Variants in KDM4B observed in about 807,000 individuals in gnomAD.
KDM4B encodes the protein lysine-specific demethylase 4B.
A neutral mutation model predicts 125.2 loss-of-function variants in KDM4B; 32 were observed. The observed-to-expected ratio is 0.26, with a 90% confidence interval of 0.19 to 0.34. The LOEUF (loss-of-function observed/expected upper bound fraction) is 0.34, where lower values mean the gene tolerates loss of function less well. KDM4B is among the 10% of genes least tolerant of loss of function. The pLI, the probability that KDM4B is intolerant of heterozygous loss-of-function variation, is 1.00. For synonymous variants in KDM4B, 721 were observed against 677.9 expected, an observed-to-expected ratio of 1.06 and a Z score of -0.99; for missense variants, 1,190 against 1,577.7, an observed-to-expected ratio of 0.75 and a Z score of 4.16.
Position 5,148,613 on chromosome 19 carries a change from T to G in KDM4B, c.3022-1745T>G, listed in dbSNP as rs1185383149. The stretch of plus-strand genomic sequence containing the variant: ...AAAGGCAGCAGGTGGGCCCTGGGAC[T>G]CCTGCAGTGGGAGCTCTAAAACCCG... On this transcript the variant is annotated intron_variant, in intron 21 of 22. Coordinates refer to ENST00000159111, the MANE Select transcript of KDM4B (RefSeq NM_015015.3). Among the ~76,000 whole-genome samples, 4 of 152,100 alleles carry G rather than the reference T, an allele frequency of 2.6e-5. No homozygotes were observed. The East Asian group carries it at 7.7e-4, about 29-fold the overall frequency.
intron 11 of KDM4B, 47 bp from the exon 12 acceptor site, chr19:5,131,029 C>T: frequency 2.2e-6 from 3 of 1,391,168 alleles, no homozygotes; most frequent in Non-Finnish European, 2.9e-6. Flanking sequence ...GGGACCAGCA[C>T]TTGAGCCCGG....
intron 1 of KDM4B, among the ~76,000 whole-genome samples, chr19:4,984,570 C>T (rs750554862): frequency 2.0e-5 from 3 of 152,158 alleles, no homozygotes; most frequent in Non-Finnish European, 4.4e-5. Flanking sequence ...CCTGTTCCGG[C>T]CTGTTCCGTA....
At chr19:5,127,547 C>A (rs560227791) in intron 11 of KDM4B, among the ~76,000 whole-genome samples, 1 of 152,330 alleles carries the variant, frequency 6.6e-6, no homozygotes, top group South Asian at 2.1e-4. Flanking sequence ...CATTGTCATT[C>A]ACTGCTGTCT....
chr19:5,067,000 C>T (rs1450158504), intron 6 of KDM4B, among the ~76,000 whole-genome samples: 1 of 152,152 alleles, frequency 6.6e-6, no homozygotes, highest in African/African-American at 2.4e-5. Context: ...CTCAGACCTC[C>T]TAATAGCATT....
At chr19:5,054,922 G>A (rs1420321087) in intron 6 of KDM4B, among the ~76,000 whole-genome samples, 1 of 152,236 alleles carries the variant, frequency 6.6e-6, no homozygotes, top group Non-Finnish European at 1.5e-5. Flanking sequence ...ATCAAGACTG[G>A]GGAGTGAACT....
intron 9 of KDM4B, among the ~76,000 whole-genome samples, chr19:5,091,874 G>C (rs1271338434): frequency 6.6e-6 from 1 of 152,214 alleles, no homozygotes. Flanking sequence ...GTGAGCCTCT[G>C]ATTTATGGCG....
chr19:5,017,268 G>A (rs1226289565), intron 2 of KDM4B, among the ~76,000 whole-genome samples: 1 of 152,216 alleles, frequency 6.6e-6, no homozygotes, highest in Admixed American at 6.5e-5. Flanking sequence ...GTCATAAAGT[G>A]TAAGGGAAGA....
chr19:5,132,405 C>T (rs1224767696), intron 13 of KDM4B, among the ~76,000 whole-genome samples: 2 of 152,182 alleles, frequency 1.3e-5, no homozygotes, highest in East Asian at 1.9e-4. Context: ...TAACCCTCAG[C>T]CGAGAGCTGC....
At chr19:5,039,711 T>TG (rs1206489018) in intron 3 of KDM4B, 125 bp from the exon 4 acceptor site, 5 of 1,079,428 alleles carry the variant, frequency 4.6e-6, no homozygotes, top group Non-Finnish European at 6.7e-6. Flanking sequence ...CTCGTGCCCC[T>TG]GGGGGGTGTC....
In KDM4B at chr19:4,973,782, T is replaced by G. The variant is rs147193187; in HGVS notation, c.-109+4552T>G. 9.2e-5 allele frequency among the ~76,000 whole-genome samples: 14 copies of G among 151,360 alleles called. 1 individual carries two copies. Among genetic ancestry groups the G allele is most frequent in the African/African-American group, 3.2e-4 (13 of 41,240 alleles). ...TGGGAAGTCTCTACCTCCTGCTTAG[T>G]TTTGCTGTGAACCTAAAACTGCTCT... is the stretch of plus-strand genomic sequence containing the variant. On this transcript the variant is annotated intron_variant, in intron 1 of 22. Transcript: ENST00000159111.
In KDM4B at chr19:5,131,201, C is replaced by T. The variant is rs550137358; in HGVS notation, c.1441C>T (p.Leu481=). 30 of 1,604,418 alleles carry T rather than the reference C, an allele frequency of 1.9e-5. No individual in the cohort carries two copies. In the South Asian group the frequency reaches 1.9e-4, roughly 10 times the overall value. The part of the protein sequence containing the change: ...AHFPSEEALW[L]PSPLEPPVLG... ...CTTCCCCTCAGAGGAGGCGCTGTGG[C>T]TGCCATCCCCACTGGAGCCCCCGGT... Residue 481 remains leucine (L), a synonymous_variant, in exon 12 of 23, where the codon CTG becomes TTG. Transcript: ENST00000159111.
At chr19:5,149,102 C>T (rs1265781622) in intron 21 of KDM4B, among the ~76,000 whole-genome samples, 1 of 152,236 alleles carries the variant, frequency 6.6e-6, no homozygotes, top group Non-Finnish European at 1.5e-5. Context: ...GTCTCCATCC[C>T]CACCCATCCC....
In KDM4B at chr19:4,986,360, G is replaced by A. The variant is rs75416896; in HGVS notation, c.-109+17130G>A. 9.3e-4 allele frequency among the ~76,000 whole-genome samples: 142 copies of A among 152,300 alleles called. 5 individuals are homozygous for A. In the East Asian group the frequency reaches 0.026, roughly 28 times the overall value. On this transcript the variant is annotated intron_variant, in intron 1 of 22. Transcript: ENST00000159111. ...GTGTGCCTCCCTGTGGGGCGATGGC[G>A]GAGTAAACGGGTGATGGCCACTGAG...
At chr19:5,080,178 G>A (rs951076599) in intron 8 of KDM4B, among the ~76,000 whole-genome samples, 5 of 152,204 alleles carry the variant, frequency 3.3e-5, no homozygotes. Flanking sequence ...TATTTGAAAA[G>A]AAAAATATCA....
rs766204232 is a variant in KDM4B at position 5,153,403 on chromosome 19, A to T, written c.*1892A>T. The T allele has an allele frequency of 6.6e-6, 1 of 152,200 alleles. No individual in the cohort carries two copies. The highest frequency in any genetic ancestry group is 2.4e-5 in the African/African-American group (1 of 41,430). The allele number at this position is 152,200 out of a possible 1,614,324, so 9.4% of individuals were successfully genotyped here. ...GTGGGCTCCTGGGCGGCCTGCGCAG[A>T]TGGGCCACAGAAGGGCAGGCCGGAG... On this transcript the variant is annotated 3_prime_UTR_variant, in exon 23 of 23. Transcript: ENST00000159111.
At chr19:4,983,136 T>TTTC (rs1336103679) in intron 1 of KDM4B, among the ~76,000 whole-genome samples, 1 of 120,388 alleles carries the variant, frequency 8.3e-6, no homozygotes, top group Admixed American at 7.6e-5. Flanking sequence ...TTTTCTTTTC[T>TTTC]TTTTTTTTTT....
chr19:5,007,751 C>G (rs1036623714), intron 1 of KDM4B, among the ~76,000 whole-genome samples: 11 of 151,902 alleles, frequency 7.2e-5, no homozygotes, highest in Non-Finnish European at 1.3e-4. Context: ...TGGCATCTTG[C>G]TGTGTTGCCT....
intron 11 of KDM4B, among the ~76,000 whole-genome samples, chr19:5,120,754 C>T (rs2146021683): frequency 6.6e-6 from 1 of 152,260 alleles, no homozygotes; most frequent in Admixed American, 6.5e-5. Context: ...GCTAGGGCTC[C>T]CCGCTGGGAG....
intron 11 of KDM4B, among the ~76,000 whole-genome samples, chr19:5,127,534 C>T (rs1348328856): frequency 3.3e-5 from 5 of 152,304 alleles, no homozygotes; most frequent in South Asian, 2.1e-4. Flanking sequence ...TTGAGGCTGC[C>T]GCCATTGTCA....
Sources: allele counts gnomAD v4.1 joint callset (sites outside exome capture counted in the v4.1 genomes callset), GRCh38; gene constraint gnomAD v4.1.1; transcripts MANE v1.5; gene names NCBI Gene and HGNC (gene_info 2026-07-23, HGNC 2026-07-21).